ATXN2: variants seen among roughly 807,000 people sequenced by gnomAD.
ATXN2 encodes the protein ataxin-2.
ATXN2 carries 37 observed loss-of-function variants against 138.6 expected under a neutral mutation model. The observed-to-expected ratio is 0.27, with a 90% CI of 0.21 to 0.35. The LOEUF is 0.35. Among genes scored for constraint, ATXN2 ranks in the 10% least tolerant of loss-of-function variants. ATXN2 has a pLI of 1.00. For missense variants in ATXN2, 1,216 were observed against 1,480.3 expected (o/e 0.82, Z 2.93); for synonymous variants, 549 against 543.7 (o/e 1.01, Z -0.13).
intron 5 of ATXN2, among the ~76,000 whole-genome samples, chr12:111,532,451 C>G (rs977836943): frequency 6.6e-6 from 1 of 152,062 alleles, no homozygotes; most frequent in Admixed American, 6.6e-5. Flanking sequence ...CTGCACTCAG[C>G]CTGGGAGACA....
intron 18 of ATXN2, among the ~76,000 whole-genome samples, chr12:111,478,813 C>T (rs1280798904): frequency 6.6e-6 from 1 of 151,906 alleles, no homozygotes; most frequent in East Asian, 1.9e-4. Context: ...TCGAGACCAG[C>T]CTGGCCAACG....
chr12:111,570,481 T>C (rs1883257748), intron 1 of ATXN2, among the ~76,000 whole-genome samples: 1 of 152,224 alleles, frequency 6.6e-6, no homozygotes, highest in South Asian at 2.1e-4. Context: ...AAACATATTC[T>C]TCCAAATGTG....
At position 111,453,840 on chromosome 12, in the gene ATXN2, A is replaced by G. The variant is rs1874861128; in HGVS notation, c.3276T>C (p.His1092=). 1.9e-6 allele frequency: 3 copies of G among 1,608,786 alleles called. No homozygotes were observed. The highest frequency in any genetic ancestry group is 1.7e-5 in the Admixed American group (1 of 59,180). Reference sequence around the variant, plus strand: ...GAGAAGGAACCATTCCTGACTGTACATGAGCCTGAAACAGAGAGCTCTTTT... The same window carrying G: ...GAGAAGGAACCATTCCTGACTGTACGTGAGCCTGAAACAGAGAGCTCTTTT... The part of the protein sequence containing the change: ...PPHMAHVPQA[H]VQSGMVPSHP... The change falls in exon 24 of 25, where the codon CAT becomes CAC. Residue 1092 remains histidine, a synonymous_variant. Transcript: ENST00000673436. The surrounding 1 kb of genome is among the most constrained non-coding windows in gnomAD (Gnocchi z 5.4).
rs941658994 is a variant in ATXN2 at position 111,589,694 on chromosome 12, C to T, written c.251+9090G>A. The stretch of plus-strand genomic sequence containing the variant: ...GGCTGAGGCATGAGAATCATTTGAA[C>T]GCAAGAGGCAGAGGTTGCACTGAGC... On this transcript the variant is annotated intron_variant, in intron 1 of 24. Transcript: ENST00000673436. Among the ~76,000 whole-genome samples the T allele has an allele frequency of 4.6e-5, 7 of 151,646 alleles. No homozygotes were observed. The South Asian group carries it at 6.2e-4, about 14-fold the overall frequency.
intron 6 of ATXN2, among the ~76,000 whole-genome samples, chr12:111,524,424 T>C (rs1880365636): frequency 6.6e-6 from 1 of 152,224 alleles, no homozygotes; most frequent in Admixed American, 6.5e-5. Flanking sequence ...ATCTCTATGC[T>C]CTCTATCCTA....
intron 18 of ATXN2, among the ~76,000 whole-genome samples, chr12:111,483,352 TC>T (rs1341987572): frequency 4.0e-5 from 6 of 151,472 alleles, no homozygotes; most frequent in African/African-American, 1.5e-4. Context: ...TATAAATTAT[TC>T]TACTTTCTAT....
intron 18 of ATXN2, among the ~76,000 whole-genome samples, chr12:111,483,196 C>CAT (rs1566017368): frequency 1.8e-5 from 2 of 111,286 alleles, no homozygotes; most frequent in Non-Finnish European, 4.0e-5. Context: ...CAAACACATA[C>CAT]ACACACACAC....
At chr12:111,455,956 G>C (rs1265874231) in intron 23 of ATXN2, 73 bp downstream of exon 23, 1 of 1,403,570 alleles carries the variant, frequency 7.1e-7, no homozygotes, top group African/African-American at 1.4e-5. Context: ...AGCTGGGAGA[G>C]CCTCTAGCTG....
rs538457330 is a variant in ATXN2 at position 111,492,948 on chromosome 12, T to A, written c.1936-4168A>T. Among the ~76,000 whole-genome samples, 10 of 152,104 alleles carry A rather than the reference T, an allele frequency of 6.6e-5. No individual in the cohort carries two copies. In the South Asian group the frequency reaches 1.5e-3, roughly 22 times the overall value. The stretch of plus-strand genomic sequence containing the variant: ...AATCCAAGATAATACAGAGAACAAA[T>A]TCAGAATCCTATAAATTTAAAAAAG... On this transcript the variant is annotated intron_variant, in intron 14 of 24. Transcript: ENST00000673436.
rs1403920829 is a variant in ATXN2, at chr12:111,453,728, G to A, written c.3388C>T (p.Pro1130Ser). 1.2e-6 allele frequency: 2 copies of A among 1,613,846 alleles called. No individual in the cohort carries two copies. ...QAALAQSALQ[P>S]IPVSTTAHFP... ...TGCGCTGTTGTCGAGACTGGAATGG[G>A]CTGTAGTGCACTTTGAGCGAGGGCG... Residue 1130 changes from proline (P) to serine (S), a missense_variant, in exon 24 of 25, where the codon CCC (proline) becomes TCC (serine). By Grantham distance (74) the Pro-to-Ser change is moderately conservative. Around this residue, in one of 4 missense-constraint regions of ATXN2, gnomAD observed 490 missense variants for 653.5 expected, o/e 0.75. Coordinates refer to ENST00000673436, the MANE Select transcript of ATXN2 (RefSeq NM_001372574.1). This position sits in a 1 kb window ranked among gnomAD's most constrained non-coding sequence, Gnocchi z 5.4.
At chr12:111,577,410 C>T (rs1363554073) in intron 1 of ATXN2, among the ~76,000 whole-genome samples, 10 of 151,904 alleles carry the variant, frequency 6.6e-5, no homozygotes, top group African/African-American at 1.9e-4. Flanking sequence ...GGATTACAGG[C>T]GCCCGCCACC....
intron 1 of ATXN2, among the ~76,000 whole-genome samples, chr12:111,559,794 C>CAAA (rs537517180): frequency 8.9e-6 from 1 of 112,802 alleles, no homozygotes; most frequent in Admixed American, 8.8e-5. Context: ...AAAAAAACTA[C>CAAA]AAAAAAAAAA....
chr12:111,556,233 A>G (rs1882382494), intron 1 of ATXN2, among the ~76,000 whole-genome samples: 1 of 152,166 alleles, frequency 6.6e-6, no homozygotes, highest in Admixed American at 6.6e-5. Flanking sequence ...TAATAATTAT[A>G]GCCAGGCATG....
chr12:111,525,606 C>T (rs1456129192), intron 5 of ATXN2, among the ~76,000 whole-genome samples: 2 of 151,700 alleles, frequency 1.3e-5, no homozygotes, highest in African/African-American at 2.4e-5. Context: ...TATGCTTTCA[C>T]GTTTAATTTA....
chr12:111,454,742 A>G (rs183094635), intron 23 of ATXN2: 32 of 361,578 alleles, frequency 8.9e-5, no homozygotes, highest in African/African-American at 6.4e-4. Context: ...GGCACATGGC[A>G]AATTTGAGCT....
At chr12:111,534,116 T>G (rs1280196399) in intron 5 of ATXN2, among the ~76,000 whole-genome samples, 1 of 151,684 alleles carries the variant, frequency 6.6e-6, no homozygotes, top group African/African-American at 2.4e-5. Context: ...TATAAATAAA[T>G]TAAGTTTAAA....
chr12:111,576,906 C>T (rs1013211254), intron 1 of ATXN2, among the ~76,000 whole-genome samples: 4 of 151,932 alleles, frequency 2.6e-5, no homozygotes, highest in Non-Finnish European at 2.9e-5. Context: ...TGCAGTGAGC[C>T]GAGATCACGC....
chr12:111,598,325 T>TC lies in ATXN2; in HGVS notation c.251+458dup, dbSNP rs1885043153. ...CCCTAACTTCTCCCCTCCAGAGATG[T>TC]CCCCCATGGAGGGGGACATGTTCCG... On this transcript the variant is annotated intron_variant, in intron 1 of 24. Transcript: ENST00000673436. The surrounding 1 kb of genome is among the most constrained non-coding windows in gnomAD (Gnocchi z 4.5). 2.0e-6 allele frequency: 2 copies of TC among 992,190 alleles called. No homozygotes were observed. Among genetic ancestry groups the TC allele is most frequent in the Non-Finnish European group, 2.4e-6 (2 of 834,308 alleles). 61.5% of individuals were successfully genotyped at this position (992,190 alleles called of 1,614,324 possible).
chr12:111,504,988 C>T (rs1879013493), intron 14 of ATXN2, among the ~76,000 whole-genome samples: 1 of 152,130 alleles, frequency 6.6e-6, no homozygotes, highest in Non-Finnish European at 1.5e-5. Context: ...CTTTGGGAGG[C>T]TGAGGTGGGC....
Sources: gnomAD v4.1 joint callset for allele counts (sites outside exome capture counted in the v4.1 genomes callset) on GRCh38, gnomAD v4.1.1 for gene constraint, gnomAD v4.1.1 regional missense constraint, Gnocchi (gnomAD v3.1) non-coding constraint, MANE v1.5 for transcripts, NCBI Gene and HGNC (gene_info 2026-07-23, HGNC 2026-07-21) for gene names.